Variants in SGCE observed in about 807,000 individuals in gnomAD.
The protein encoded by SGCE is sarcoglycan epsilon, also known as epsilon-sarcoglycan.
A neutral mutation model predicts 57.8 loss-of-function variants in SGCE; 26 were observed. The observed-to-expected ratio is 0.45, with a 90% confidence interval of 0.33 to 0.62. SGCE has a LOEUF of 0.62. Among genes scored for constraint, SGCE ranks in the 20% least tolerant of loss-of-function variants. SGCE has a pLI of 0.02. For missense variants in SGCE, 468 were observed against 548.6 expected (o/e 0.85, Z 1.47); for synonymous variants, 183 against 189.5 (o/e 0.97, Z 0.28).
In SGCE at chr7:94,619,294, A is replaced by G. The variant is rs531947025; in HGVS notation, c.464-338T>C. 3.7e-5 allele frequency: 7 copies of G among 189,614 alleles called. 1 individual carries two copies. The highest frequency in any genetic ancestry group is 6.5e-5 in the Non-Finnish European group (6 of 92,032). The allele number at this position is 189,614 out of a possible 1,614,324, so 11.7% of individuals were successfully genotyped here. ...CTGATCTTTTGGGGAGCATGCTAAAATATTACTTTTTCTGAAATAAAAATC... is the reference window on the plus strand; with the variant it reads ...CTGATCTTTTGGGGAGCATGCTAAAGTATTACTTTTTCTGAAATAAAAATC... On this transcript the variant is annotated intron_variant, in intron 4 of 10. Coordinates refer to ENST00000648936, the MANE Select transcript of SGCE (RefSeq NM_003919.3).
At chr7:94,655,930 G>C (rs892009456) in intron 1 of SGCE, 60 bp downstream of exon 1, 1 of 1,104,988 alleles carries the variant, frequency 9.0e-7, no homozygotes, top group East Asian at 2.4e-5. Flanking sequence ...CCCGAGCGGG[G>C]GAGGGGGAGG....
chr7:94,655,013 T>A (rs1034345533), intron 1 of SGCE, among the ~76,000 whole-genome samples: 1 of 152,260 alleles, frequency 6.6e-6, no homozygotes, highest in Non-Finnish European at 1.5e-5. Flanking sequence ...TAGCGTCTTA[T>A]CAGCCACTGC....
chr7:94,618,682 C>T, intron 5 of SGCE, 76 bp downstream of exon 5: 1 of 1,227,088 alleles, frequency 8.1e-7, no homozygotes, highest in Non-Finnish European at 1.2e-6. Flanking sequence ...AGGCCATCTT[C>T]CATCTATAAT....
intron 5 of SGCE, 31 bp downstream of exon 5, chr7:94,618,727 A>G (rs1449825912): frequency 1.3e-6 from 2 of 1,565,538 alleles, no homozygotes; most frequent in South Asian, 1.1e-5. Context: ...AAAAATCTAT[A>G]TTTAAGGCAA....
intron 1 of SGCE, among the ~76,000 whole-genome samples, chr7:94,648,564 A>G (rs1454050112): frequency 1.3e-5 from 2 of 152,124 alleles, no homozygotes; most frequent in Non-Finnish European, 2.9e-5. Context: ...AATACTGTAC[A>G]TTTCAAATTC....
chr7:94,639,758 C>T (rs1256289494), intron 1 of SGCE, among the ~76,000 whole-genome samples: 1 of 152,164 alleles, frequency 6.6e-6, no homozygotes, highest in Non-Finnish European at 1.5e-5. Flanking sequence ...ACTAATTATA[C>T]ACACAAATGG....
chr7:94,630,039 TTTTGA>T (rs1440573773), intron 1 of SGCE, 198 bp from the exon 2 acceptor site: 4 of 571,690 alleles, frequency 7.0e-6, no homozygotes, highest in Non-Finnish European at 1.2e-5. Context: ...GAAAAAATTC[TTTTGA>T]TTTGTGTTTA....
At chr7:94,642,983 C>T (rs1177732487) in intron 1 of SGCE, among the ~76,000 whole-genome samples, 2 of 152,192 alleles carry the variant, frequency 1.3e-5, no homozygotes, top group South Asian at 4.1e-4. Flanking sequence ...GGCAAGCAGA[C>T]ACTCTATAGA....
At chr7:94,601,821 A>G (rs1231545129) in intron 6 of SGCE, among the ~76,000 whole-genome samples, 1 of 152,136 alleles carries the variant, frequency 6.6e-6, no homozygotes, top group Non-Finnish European at 1.5e-5. Flanking sequence ...GTTGTCCAAC[A>G]CAGCCTTGTG....
chr7:94,640,279 T>C (rs1396200454), intron 1 of SGCE, among the ~76,000 whole-genome samples: 3 of 152,108 alleles, frequency 2.0e-5, no homozygotes, highest in African/African-American at 7.2e-5. Context: ...ACATACAGAT[T>C]TAAAGTTCTT....
rs539327067 is a variant in SGCE at position 94,623,364 on chromosome 7, C to CAGT, written c.421_423dup (p.Thr141dup). 1.3e-5 allele frequency: 21 copies of CAGT among 1,605,638 alleles called. No homozygotes were observed. The Admixed American group carries it at 3.2e-4, about 24-fold the overall frequency. On this transcript the variant is annotated inframe_insertion, in exon 4 of 11. Coordinates refer to ENST00000648936, the MANE Select transcript of SGCE (RefSeq NM_003919.3). ...ATATTAATTATCAAATTATGCCTTGCAGTCTCAAAGGTGCGCCTGTTGTAG... is the reference window on the plus strand; with the variant it reads ...ATATTAATTATCAAATTATGCCTTGCAGTAGTCTCAAAGGTGCGCCTGTTGTAG...
chr7:94,624,996 C>T lies in SGCE; in HGVS notation c.391-1599G>A, dbSNP rs1407046681. ...TTAACAGCTATAACAGAATGTAGTC[C>T]TTCTATCACTTCCAATGAGACATTT... On this transcript the variant is annotated intron_variant, in intron 3 of 10. Coordinates refer to ENST00000648936, the MANE Select transcript of SGCE (RefSeq NM_003919.3). 5 of 151,980 alleles carry T rather than the reference C, an allele frequency of 3.3e-5. No individual in the cohort carries two copies. The East Asian group carries it at 9.7e-4, about 29-fold the overall frequency. 9.4% of individuals were successfully genotyped at this position (151,980 alleles called of 1,614,324 possible). A position where few individuals can be genotyped will look rare whatever the true frequency, so the allele number is the denominator to read the frequency against.
chr7:94,599,072 CATT>C, intron 8 of SGCE, 109 bp from the exon 9 acceptor site: 1 of 761,540 alleles, frequency 1.3e-6, no homozygotes, highest in Non-Finnish European at 2.1e-6. Context: ...AATAATAAGA[CATT>C]ATGGCACTTT....
At chr7:94,604,535 C>G (rs976422417) in intron 5 of SGCE, among the ~76,000 whole-genome samples, 4 of 151,148 alleles carry the variant, frequency 2.6e-5, no homozygotes, top group Non-Finnish European at 4.4e-5. Flanking sequence ...GGCATAGGAA[C>G]AGACAGACAG....
Position 94,603,454 on chromosome 7 carries a change from T to C in SGCE, c.663-2A>G. 1 of 1,612,564 alleles carries C rather than the reference T, an allele frequency of 6.2e-7. No individual in the cohort carries two copies. The highest frequency in any genetic ancestry group is 8.5e-7 in the Non-Finnish European group (1 of 1,178,940). ...TCTGCACCAACCATGACATAAACGC[T>C]GTAAAAATGTGAAACTCTCAGGTTA... On this transcript the variant is annotated splice_acceptor_variant, in intron 5 of 10. Coordinates refer to ENST00000648936, the MANE Select transcript of SGCE (RefSeq NM_003919.3). LOFTEE classifies it high-confidence loss of function.
rs1799562953 is a variant in SGCE at position 94,603,311 on chromosome 7, A to C, written c.804T>G (p.Ile268Met). ...CDKKFRTQFY[I>M]DWCKISLVDK... ...TTACCAATGAAATTTTGCACCAGTCAATGTAAAATTGAGTACGAAATTTTT... is the reference window on the plus strand; with the variant it reads ...TTACCAATGAAATTTTGCACCAGTCCATGTAAAATTGAGTACGAAATTTTT... The change falls in exon 6 of 11, where the codon ATT (isoleucine) becomes ATG (methionine). Residue 268 changes from isoleucine (I) to methionine (M), a missense_variant. Transcript: ENST00000648936. 6.2e-7 allele frequency: 1 copy of C among 1,612,366 alleles called. No individual in the cohort carries two copies. The highest frequency in any genetic ancestry group is 1.1e-5 in the South Asian group (1 of 90,912).
chr7:94,592,998 C>T (rs1797902959), intron 9 of SGCE, among the ~76,000 whole-genome samples: 1 of 152,088 alleles, frequency 6.6e-6, no homozygotes, highest in South Asian at 2.1e-4. Flanking sequence ...TACTTCTCAA[C>T]AGGACACCAT....
intron 5 of SGCE, among the ~76,000 whole-genome samples, chr7:94,606,664 T>C (rs1800191296): frequency 6.6e-6 from 1 of 152,186 alleles, no homozygotes; most frequent in Non-Finnish European, 1.5e-5. Flanking sequence ...CATCCAAAAA[T>C]AGAATACACA....
intron 4 of SGCE, chr7:94,621,861 G>C (rs753662761): frequency 6.6e-6 from 1 of 152,132 alleles, no homozygotes; most frequent in Non-Finnish European, 1.5e-5. Context: ...AAAGCCTTTG[G>C]GGAGTGGCAG....
Sources: gnomAD v4.1 joint callset for allele counts (sites outside exome capture counted in the v4.1 genomes callset) on GRCh38, gnomAD v4.1.1 for gene constraint, MANE v1.5 for transcripts, NCBI Gene and HGNC (gene_info 2026-07-23, HGNC 2026-07-21) for gene names.